Variants in PCDHGA4 observed in about 807,000 individuals in gnomAD.
PCDHGA4 encodes the protein protocadherin gamma-A4.
Under a neutral mutation model 54.6 loss-of-function variants are expected in PCDHGA4, and 38 were observed. That is an observed-to-expected ratio of 0.70 (90% CI 0.54 to 0.91). PCDHGA4 has a LOEUF of 0.91. Ranked by LOEUF, PCDHGA4 falls within the 40% of genes least tolerant of loss-of-function variation. PCDHGA4 has a pLI of 0.00. For synonymous variants in PCDHGA4, 511 were observed against 512.9 expected (o/e 1.00, Z 0.05); for missense variants, 1,298 against 1,220.9 (o/e 1.06, Z -0.94).
intron 1 of PCDHGA4, chr5:141,371,507 A>G: frequency 6.2e-7 from 1 of 1,613,910 alleles, no homozygotes; most frequent in Non-Finnish European, 8.5e-7. Context: ...TGATCAAAAC[A>G]CATGATCTAG....
intron 1 of PCDHGA4, among the ~76,000 whole-genome samples, chr5:141,434,530 A>G (rs1241680580): frequency 6.6e-6 from 1 of 152,226 alleles, no homozygotes; most frequent in African/African-American, 2.4e-5. Flanking sequence ...CTTAAACCAC[A>G]AACAATAGCA....
At chr5:141,429,378 T>G (rs890583768) in intron 1 of PCDHGA4, among the ~76,000 whole-genome samples, 3 of 105,336 alleles carry the variant, frequency 2.8e-5, no homozygotes, top group African/African-American at 5.2e-5. Flanking sequence ...AGAAAATGTG[T>G]TTTTTTTTTA....
In PCDHGA4 at chr5:141,413,207, C is replaced by G. The variant is rs563279284; in HGVS notation, c.2514+55586C>G. The G allele has an allele frequency of 2.1e-4, 334 of 1,612,874 alleles. 3 individuals carry two copies. In the South Asian group the frequency reaches 3.4e-3, roughly 17 times the overall value. On this transcript the variant is annotated intron_variant, in intron 1 of 3. Coordinates refer to ENST00000571252, the MANE Select transcript of PCDHGA4 (RefSeq NM_018917.4). ...GCTCAAAGGAATCGCTCAAAGGAAT[C>G]AAAGGATTGCAGCGGGCTGGTCCTG... is the stretch of plus-strand genomic sequence containing the variant.
At chr5:141,366,314 G>A (rs759896356) in intron 1 of PCDHGA4, 9 of 1,613,624 alleles carry the variant, frequency 5.6e-6, no homozygotes, top group South Asian at 5.5e-5. Flanking sequence ...CACGGTCACC[G>A]TTGCCGTGGC....
At position 141,505,499 on chromosome 5, in the gene PCDHGA4, G is replaced by A. The variant is rs753203943; in HGVS notation, c.2662+18G>A. ...CGCCAGTGGTAAGTGGTGTCAGTGT[G>A]TGTATGGAAGAGTGGGAGACCTGGG... is the stretch of plus-strand genomic sequence containing the variant. On this transcript the variant is annotated intron_variant, in intron 3 of 3. Transcript: ENST00000571252. 6.2e-7 allele frequency: 1 copy of A among 1,614,172 alleles called. No homozygotes were observed. The highest frequency in any genetic ancestry group is 8.5e-7 in the Non-Finnish European group (1 of 1,179,982).
intron 1 of PCDHGA4, among the ~76,000 whole-genome samples, chr5:141,396,908 C>G (rs987572785): frequency 1.3e-5 from 2 of 152,146 alleles, no homozygotes; most frequent in Admixed American, 6.5e-5. Context: ...TGGCACTTTG[C>G]AATTTTAAAA....
Position 141,498,864 on chromosome 5 carries a change from C to T in PCDHGA4, c.2573+3999C>T, listed in dbSNP as rs1370263013. Among the ~76,000 whole-genome samples the T allele has an allele frequency of 2.7e-5, 4 of 149,532 alleles. No homozygotes were observed. The East Asian group carries it at 5.9e-4, about 22-fold the overall frequency. ...AGGGGAATCGCTTGAACCCAGGAGG[C>T]GGAGGTTGCAGTGAGCTGAGATCAC... On this transcript the variant is annotated intron_variant, in intron 2 of 3. Coordinates refer to ENST00000571252, the MANE Select transcript of PCDHGA4 (RefSeq NM_018917.4).
In PCDHGA4 at chr5:141,494,863, C is replaced by A. The variant is rs538734954; in HGVS notation, c.2571C>A (p.Ser857Arg). 17 of 1,614,118 alleles carry A rather than the reference C, an allele frequency of 1.1e-5. No individual in the cohort carries two copies. Among genetic ancestry groups the A allele is most frequent in the Non-Finnish European group, 1.4e-5 (17 of 1,179,994 alleles). Residue 857 changes from serine to arginine, a missense_variant and splice_region_variant, in exon 2 of 4, where the codon AGC becomes AGA. By Grantham distance (110) the Ser-to-Arg change is moderately radical. Transcript: ENST00000571252. ...RFSQAQRPGT[S>R]GSQNGDDTGT... ...CTCAGGCCCAGAGACCCGGCACCAG[C>A]GGGTAGGTGACTGATTCTCCAGCCC...
chr5:141,397,372 G>A (rs1014875277), intron 1 of PCDHGA4, among the ~76,000 whole-genome samples: 3 of 152,012 alleles, frequency 2.0e-5, no homozygotes, highest in Admixed American at 6.6e-5. Context: ...AGATGTTTGG[G>A]GATTGGTATA....
At chr5:141,423,926 T>C (rs925790302) in intron 1 of PCDHGA4, 2 of 1,245,276 alleles carry the variant, frequency 1.6e-6, no homozygotes, top group Non-Finnish European at 2.0e-6. Flanking sequence ...CTATGCTGGT[T>C]TGGTTTGAAG....
chr5:141,371,840 A>T, intron 1 of PCDHGA4: 1 of 1,613,642 alleles, frequency 6.2e-7, no homozygotes, highest in African/African-American at 1.3e-5. Flanking sequence ...CCGACTTGGG[A>T]CCTAATGGCC....
chr5:141,477,804 A>G lies in PCDHGA4; in HGVS notation c.2515-17003A>G. The G allele has an allele frequency of 6.2e-7, 1 of 1,614,088 alleles. No individual in the cohort carries two copies. ...ATATTTGTCACTGATCGCAATGACA[A>G]TGCCCCCCAGGTCCTATATCCTCGG... On this transcript the variant is annotated intron_variant, in intron 1 of 3. Transcript: ENST00000571252. The surrounding 1 kb of genome is among the most constrained non-coding windows in gnomAD (Gnocchi z 4.9).
intron 1 of PCDHGA4, chr5:141,420,219 T>C: frequency 6.2e-7 from 1 of 1,607,100 alleles, no homozygotes. Flanking sequence ...GATAGCATGC[T>C]ACTGGCTAGC....
Position 141,431,461 on chromosome 5 carries a change from T to C in PCDHGA4, c.2515-63346T>C, listed in dbSNP as rs1477501293. 1 of 1,613,800 alleles carries C rather than the reference T, an allele frequency of 6.2e-7. No individual in the cohort carries two copies. Among genetic ancestry groups the C allele is most frequent in the Admixed American group, 1.7e-5 (1 of 60,032 alleles). ...CGCGCATCCGCGTGATGGTTCTGGA[T>C]GCGAACGACAACGCACCAGCGTTTG... On this transcript the variant is annotated intron_variant, in intron 1 of 3. Transcript: ENST00000571252. The surrounding 1 kb of genome is among the most constrained non-coding windows in gnomAD (Gnocchi z 4.8).
chr5:141,383,514 G>A (rs778204328), intron 1 of PCDHGA4: 2 of 1,612,718 alleles, frequency 1.2e-6, no homozygotes, highest in South Asian at 2.2e-5. Context: ...GGGAGGAAGA[G>A]CGGGTTCACC....
At chr5:141,465,494 G>C (rs2099104306) in intron 1 of PCDHGA4, among the ~76,000 whole-genome samples, 1 of 152,204 alleles carries the variant, frequency 6.6e-6, no homozygotes, top group African/African-American at 2.4e-5. Context: ...ATGAGCGGGA[G>C]CATTGTCGTG....
chr5:141,404,585 A>G (rs541341061), intron 1 of PCDHGA4: 2 of 1,614,006 alleles, frequency 1.2e-6, no homozygotes, highest in East Asian at 2.2e-5. Context: ...ACTTAGCAGC[A>G]ATGTGTCATT....
intron 1 of PCDHGA4, among the ~76,000 whole-genome samples, chr5:141,492,802 G>A (rs1490284966): frequency 6.6e-6 from 1 of 152,234 alleles, no homozygotes; most frequent in Non-Finnish European, 1.5e-5. Flanking sequence ...GCAGGACTGG[G>A]ACTCCAGTGG....
chr5:141,415,772 T>TC, intron 1 of PCDHGA4: 1 of 1,332,986 alleles, frequency 7.5e-7, no homozygotes. Context: ...TTTTTTTTTT[T>TC]ACTTTCTGGT....
Sources: allele counts gnomAD v4.1 joint callset (sites outside exome capture counted in the v4.1 genomes callset), GRCh38; gene constraint gnomAD v4.1.1; non-coding constraint Gnocchi (gnomAD v3.1); transcripts MANE v1.5; gene names NCBI Gene and HGNC (gene_info 2026-07-23, HGNC 2026-07-21).